The following TMEM132C variants were observed in gnomAD, a reference collection of about 807,000 sequenced individuals.
The protein encoded by TMEM132C is protein phosphatase 1, regulatory subunit 152.
A neutral mutation model predicts 61.4 loss-of-function variants in TMEM132C; 29 were observed. That is an observed-to-expected ratio of 0.47 (90% CI 0.35 to 0.64). TMEM132C has a LOEUF of 0.64. Among genes scored for constraint, TMEM132C ranks in the 30% least tolerant of loss-of-function variants. The pLI, the probability that TMEM132C is intolerant of heterozygous loss-of-function variation, is 0.00. For missense variants in TMEM132C, 1,408 were observed against 1,476.9 expected, an observed-to-expected ratio of 0.95 and a Z score of 0.76; for synonymous variants, 656 against 633.1, an observed-to-expected ratio of 1.04 and a Z score of -0.54.
chr12:128,639,005 T>C (rs1954126437), intron 4 of TMEM132C, among the ~76,000 whole-genome samples: 2 of 136,228 alleles, frequency 1.5e-5, no homozygotes, highest in Non-Finnish European at 3.2e-5. Context: ...ATGGTGGTGA[T>C]GATGATGGTG....
chr12:128,576,260 A>AAGGGG (rs572512108), intron 3 of TMEM132C, among the ~76,000 whole-genome samples: 12 of 144,948 alleles, frequency 8.3e-5, no homozygotes, highest in African/African-American at 2.0e-4. Context: ...AAAAGATTAG[A>AAGGGG]AGGGGAGGGG....
At chr12:128,330,630 C>T (rs1290792962) in intron 1 of TMEM132C, among the ~76,000 whole-genome samples, 1 of 152,208 alleles carries the variant, frequency 6.6e-6, no homozygotes, top group Non-Finnish European at 1.5e-5. Flanking sequence ...TATAGATCAT[C>T]TTCTGACTGC....
intron 2 of TMEM132C, among the ~76,000 whole-genome samples, chr12:128,460,528 C>T (rs945828287): frequency 1.3e-5 from 2 of 152,134 alleles, no homozygotes; most frequent in African/African-American, 4.8e-5. Flanking sequence ...CGTTCTCACC[C>T]CGAGAGCTAC....
Position 128,669,472 on chromosome 12 carries a change from T to C in TMEM132C, c.1361T>C (p.Ile454Thr). The stretch of plus-strand genomic sequence containing the variant: ...ACAGGAAAGACAGTTGCCATGCCTA[T>C]CAAGGTGGTCTCTGTGGAGGAGAAC... The part of the protein sequence containing the change: ...VLTGKTVAMP[I>T]KVVSVEENSA... Residue 454 changes from isoleucine (I) to threonine (T), a missense_variant, in exon 5 of 9, where the codon ATC (isoleucine) becomes ACC (threonine). Transcript: ENST00000435159. The C allele has an allele frequency of 6.4e-7, 1 of 1,551,698 alleles. No individual in the cohort carries two copies. The highest frequency in any genetic ancestry group is 8.7e-7 in the Non-Finnish European group (1 of 1,146,988).
intron 1 of TMEM132C, among the ~76,000 whole-genome samples, chr12:128,323,456 G>A (rs988550435): frequency 2.0e-5 from 3 of 152,204 alleles, no homozygotes; most frequent in Admixed American, 6.5e-5. Flanking sequence ...AAGTGGGGAC[G>A]TTCGTCTTCT....
chr12:128,592,059 G>GAA lies in TMEM132C; in HGVS notation c.1122-24079_1122-24078dup, dbSNP rs55727528. Among the ~76,000 whole-genome samples the GAA allele has an allele frequency of 5.8e-3, 729 of 125,376 alleles. 6 individuals are homozygous for GAA. The highest frequency in any genetic ancestry group is 0.012 in the African/African-American group (400 of 33,410). The allele number at this position is 125,376 out of a possible 152,430, so 82.3% of individuals were successfully genotyped here. A position where few individuals can be genotyped will look rare whatever the true frequency, so the allele number is the denominator to read the frequency against. On this transcript the variant is annotated intron_variant, in intron 3 of 8. Transcript: ENST00000435159. ...AGAGTGAGACTCAAAAAAAAAAAAA[G>GAA]AAAAAAAAAAAAAAACAGACACAGC...
intron 1 of TMEM132C, among the ~76,000 whole-genome samples, chr12:128,285,395 A>G (rs1871021920): frequency 1.3e-5 from 2 of 152,202 alleles, no homozygotes; most frequent in Non-Finnish European, 2.9e-5. Context: ...ACAAAAAAAA[A>G]GACATTTTAG....
intron 5 of TMEM132C, among the ~76,000 whole-genome samples, chr12:128,689,475 G>A (rs934737956): frequency 2.0e-5 from 3 of 152,120 alleles, no homozygotes; most frequent in African/African-American, 4.8e-5. Flanking sequence ...TCATATTAAC[G>A]GAGCAGGTCC....
chr12:128,609,403 AT>A (rs915575282), intron 3 of TMEM132C, among the ~76,000 whole-genome samples: 8 of 150,854 alleles, frequency 5.3e-5, no homozygotes, highest in African/African-American at 2.0e-4. Flanking sequence ...ACCCTGGCTA[AT>A]TTTTAGTTTT....
chr12:128,393,673 G>A (rs111641931), intron 1 of TMEM132C, among the ~76,000 whole-genome samples: 2 of 151,954 alleles, frequency 1.3e-5, no homozygotes, highest in African/African-American at 4.8e-5. Context: ...ATGATGCTTC[G>A]AGGTGCCAAG....
intron 1 of TMEM132C, among the ~76,000 whole-genome samples, chr12:128,308,932 G>A (rs1871877948): frequency 6.6e-6 from 1 of 152,166 alleles, no homozygotes; most frequent in African/African-American, 2.4e-5. Context: ...AAATGTGATG[G>A]AAAGCGTTTT....
intron 4 of TMEM132C, among the ~76,000 whole-genome samples, chr12:128,658,278 A>G (rs1196224971): frequency 2.0e-5 from 3 of 152,164 alleles, no homozygotes; most frequent in African/African-American, 7.2e-5. Flanking sequence ...TTTAGTTTGA[A>G]CTCATGAAGC....
intron 1 of TMEM132C, among the ~76,000 whole-genome samples, chr12:128,302,024 T>C (rs1871615795): frequency 6.6e-6 from 1 of 152,182 alleles, no homozygotes; most frequent in Admixed American, 6.5e-5. Flanking sequence ...TGTGATTCAG[T>C]TATCTCCCAC....
intron 4 of TMEM132C, among the ~76,000 whole-genome samples, chr12:128,634,217 G>C (rs1954083627): frequency 6.6e-6 from 1 of 152,180 alleles, no homozygotes; most frequent in Non-Finnish European, 1.5e-5. Flanking sequence ...GGGACTACAG[G>C]CATGTGCCAC....
At chr12:128,466,019 T>G (rs2136075093) in intron 2 of TMEM132C, among the ~76,000 whole-genome samples, 1 of 151,688 alleles carries the variant, frequency 6.6e-6, no homozygotes, top group South Asian at 2.1e-4. Flanking sequence ...AAATAAGGTA[T>G]TTTTGAAAAA....
At chr12:128,387,140 C>CAAAAAAAAAAAAAA (rs34160455) in intron 1 of TMEM132C, among the ~76,000 whole-genome samples, 1 of 85,626 alleles carries the variant, frequency 1.2e-5, no homozygotes, top group Non-Finnish European at 2.2e-5. Flanking sequence ...GACTCTGCCT[C>CAAAAAAAAAAAAAA]AAAAAAAAAA....
At chr12:128,670,703 C>A (rs1954523817) in intron 5 of TMEM132C, among the ~76,000 whole-genome samples, 1 of 152,132 alleles carries the variant, frequency 6.6e-6, no homozygotes, top group Non-Finnish European at 1.5e-5. Flanking sequence ...GTGCTTTGGA[C>A]TATGGGTCAA....
chr12:128,290,428 C>T (rs928477505), intron 1 of TMEM132C, among the ~76,000 whole-genome samples: 3 of 152,074 alleles, frequency 2.0e-5, no homozygotes, highest in Non-Finnish European at 2.9e-5. Context: ...TGGGGAAAGC[C>T]GCCCCCATGA....
rs1235145266 is a variant in TMEM132C at position 128,414,818 on chromosome 12, G to A, written c.172G>A (p.Ala58Thr). The A allele has an allele frequency of 6.5e-7, 1 of 1,544,944 alleles. No individual in the cohort carries two copies. Among genetic ancestry groups the A allele is most frequent in the East Asian group, 2.4e-5 (1 of 40,910 alleles). ...ACCTGTGAGCTACCACATCCTCAGA[G>A]CAGAGACCTCCTTCTTCCTCAAGGA... Reference protein sequence around the residue: ...YLPVSYHILRAETSFFLKEAN... With the variant: ...YLPVSYHILRTETSFFLKEAN... The change falls in exon 2 of 9, where the codon GCA becomes ACA. Residue 58 changes from alanine (A) to threonine (T), a missense_variant. Physicochemically the swap from Ala to Thr is moderately conservative, Grantham distance 58 (BLOSUM62 0). Coordinates refer to ENST00000435159, the MANE Select transcript of TMEM132C (RefSeq NM_001136103.3).
Sources: gnomAD v4.1 joint callset for allele counts (sites outside exome capture counted in the v4.1 genomes callset) on GRCh38, gnomAD v4.1.1 for gene constraint, MANE v1.5 for transcripts, NCBI Gene and HGNC (gene_info 2026-07-23, HGNC 2026-07-21) for gene names.